Variants in SLIT3 observed in about 807,000 individuals in gnomAD.
SLIT3 encodes the protein slit guidance ligand 3.
In SLIT3, 68 loss-of-function variants were observed where a neutral mutation model predicts 184.0. The ratio of observed to expected loss-of-function variants is 0.37; its 90% CI spans 0.30 to 0.45. The LOEUF (loss-of-function observed/expected upper bound fraction) is 0.45. Among genes scored for constraint, SLIT3 ranks in the 20% least tolerant of loss-of-function variants. The probability of loss-of-function intolerance (pLI) is 1.00; values close to 1 mark genes in which losing one functional copy is unlikely to be tolerated. For synonymous variants in SLIT3, 831 were observed against 828.6 expected (o/e 1.00, Z -0.05); for missense variants, 1,707 against 2,026.0 (o/e 0.84, Z 3.02).
At chr5:169,115,428 G>A (rs1760624372) in intron 4 of SLIT3, among the ~76,000 whole-genome samples, 1 of 152,122 alleles carries the variant, frequency 6.6e-6, no homozygotes, top group Non-Finnish European at 1.5e-5. Context: ...CTAAATGTAG[G>A]CATTTTCCAG....
In SLIT3 at chr5:168,937,271, T is replaced by C. The variant is rs1042511807; in HGVS notation, c.414-53935A>G. ...ATAAGGCCATGTGGGAGGATTTTCA[T>C]TATCGTTTCTACCCTAAGAGAAGGT... On this transcript the variant is annotated intron_variant, in intron 4 of 35. Transcript: ENST00000519560. 3.9e-5 allele frequency among the ~76,000 whole-genome samples: 6 copies of C among 152,134 alleles called. No homozygotes were observed. The South Asian group carries it at 1.2e-3, about 32-fold the overall frequency.
intron 4 of SLIT3, among the ~76,000 whole-genome samples, chr5:168,961,616 C>T (rs529263380): frequency 3.9e-4 from 59 of 152,234 alleles, no homozygotes; most frequent in African/African-American, 1.4e-3. Context: ...CAAGGTGAAC[C>T]GGTACCAGGG....
intron 4 of SLIT3, among the ~76,000 whole-genome samples, chr5:169,021,565 G>T (rs1756598123): frequency 6.6e-6 from 1 of 152,084 alleles, no homozygotes; most frequent in African/African-American, 2.4e-5. Context: ...TGGCCAGGCT[G>T]GTCTCGAACT....
At chr5:169,081,384 AG>A (rs1198946008) in intron 4 of SLIT3, among the ~76,000 whole-genome samples, 3 of 152,174 alleles carry the variant, frequency 2.0e-5, no homozygotes, top group Non-Finnish European at 2.9e-5. Flanking sequence ...AGAGACCCAC[AG>A]GTTCATAATT....
Position 169,140,877 on chromosome 5 carries a change from G to A in SLIT3, c.413+52602C>T, listed in dbSNP as rs148283787. Among the ~76,000 whole-genome samples, 144 of 152,210 alleles carry A rather than the reference G, an allele frequency of 9.5e-4. 5 individuals carry two copies. Among genetic ancestry groups the A allele is most frequent in the African/African-American group, 3.4e-3 (140 of 41,530 alleles). ...TTCAAAACCTCAGTGGTTCCTCACT[G>A]CCTTCTAAATTAAATATAAAACTCT... is the stretch of plus-strand genomic sequence containing the variant. On this transcript the variant is annotated intron_variant, in intron 4 of 35. Coordinates refer to ENST00000519560, the MANE Select transcript of SLIT3 (RefSeq NM_003062.4).
At chr5:168,671,632 T>A in intron 33 of SLIT3, 149 bp from the exon 34 acceptor site, 1 of 818,538 alleles carries the variant, frequency 1.2e-6, no homozygotes, top group Non-Finnish European at 1.9e-6. Context: ...ACCTCGGACC[T>A]CCTCCATACA....
chr5:169,235,638 A>G (rs566972037), intron 3 of SLIT3, among the ~76,000 whole-genome samples: 1 of 152,252 alleles, frequency 6.6e-6, no homozygotes, highest in African/African-American at 2.4e-5. Context: ...ACATTTAGTC[A>G]TTATGTCTCC....
intron 5 of SLIT3, among the ~76,000 whole-genome samples, chr5:168,871,637 T>C (rs945578606): frequency 2.6e-5 from 4 of 152,174 alleles, no homozygotes; most frequent in African/African-American, 9.6e-5. Flanking sequence ...CAGGAAACTA[T>C]AAATATGACT....
chr5:168,890,054 G>A (rs866319313), intron 4 of SLIT3, among the ~76,000 whole-genome samples: 1 of 151,162 alleles, frequency 6.6e-6, no homozygotes, highest in African/African-American at 2.4e-5. Context: ...GCAGGAGAAT[G>A]GCTTGAACCC....
intron 12 of SLIT3, among the ~76,000 whole-genome samples, chr5:168,779,243 C>T (rs550820714): frequency 4.8e-4 from 73 of 152,284 alleles, no homozygotes; most frequent in African/African-American, 1.1e-3. Flanking sequence ...TGTTTCCAAT[C>T]GTCATGCTGC....
At chr5:168,765,303 G>A (rs1443137379) in intron 14 of SLIT3, among the ~76,000 whole-genome samples, 1 of 152,264 alleles carries the variant, frequency 6.6e-6, no homozygotes, top group East Asian at 1.9e-4. Context: ...CAATGGAGCC[G>A]CTGACCCATT....
At chr5:169,110,660 A>G (rs1004791682) in intron 4 of SLIT3, among the ~76,000 whole-genome samples, 1 of 152,206 alleles carries the variant, frequency 6.6e-6, no homozygotes, top group Non-Finnish European at 1.5e-5. Flanking sequence ...ATGAGGTAAC[A>G]TTCACAGATA....
At position 168,987,850 on chromosome 5, in the gene SLIT3, C is replaced by T. The variant is rs200347416; in HGVS notation, c.414-104514G>A. On this transcript the variant is annotated intron_variant, in intron 4 of 35. Coordinates refer to ENST00000519560, the MANE Select transcript of SLIT3 (RefSeq NM_003062.4). ...TGGAATATATAGATGACTTCTTTTTCGGTGTTAGGTAGGTGGGGGGACTGA... is the reference window on the plus strand; with the variant it reads ...TGGAATATATAGATGACTTCTTTTTTGGTGTTAGGTAGGTGGGGGGACTGA... Among the ~76,000 whole-genome samples, 9 of 152,328 alleles carry T rather than the reference C, an allele frequency of 5.9e-5. No homozygotes were observed. The East Asian group carries it at 1.7e-3, about 29-fold the overall frequency.
At chr5:169,015,471 G>C (rs1043153571) in intron 4 of SLIT3, among the ~76,000 whole-genome samples, 2 of 152,210 alleles carry the variant, frequency 1.3e-5, no homozygotes, top group African/African-American at 2.4e-5. Context: ...GGACAGGCTG[G>C]AGCAGTGTCC....
At chr5:169,005,105 A>AT (rs199503631) in intron 4 of SLIT3, among the ~76,000 whole-genome samples, 5,548 of 152,316 alleles carry the variant, frequency 0.036, 127 homozygotes, top group Middle Eastern at 0.065. Flanking sequence ...GCAATAAAGT[A>AT]TTTTTTATTA....
chr5:168,723,330 C>T (rs1271654032), intron 21 of SLIT3, among the ~76,000 whole-genome samples: 4 of 151,372 alleles, frequency 2.6e-5, no homozygotes, highest in African/African-American at 7.3e-5. Flanking sequence ...CCCACCCTCC[C>T]TTCCTCCCTC....
intron 9 of SLIT3, among the ~76,000 whole-genome samples, chr5:168,799,444 G>A (rs1292850370): frequency 3.3e-5 from 5 of 152,160 alleles, no homozygotes; most frequent in South Asian, 2.1e-4. Flanking sequence ...GTGTCTTCCC[G>A]CACCAGCAAA....
chr5:169,036,554 A>C (rs760035402), intron 4 of SLIT3: 2 of 152,184 alleles, frequency 1.3e-5, no homozygotes, highest in African/African-American at 4.8e-5. Flanking sequence ...CACAGCATTT[A>C]ATTTCCGAAT....
At chr5:168,848,945 C>G (rs1758579040) in intron 5 of SLIT3, among the ~76,000 whole-genome samples, 1 of 151,990 alleles carries the variant, frequency 6.6e-6, no homozygotes, top group Admixed American at 6.6e-5. Context: ...ATTAAAGCAG[C>G]CTATCTAAAT....
Sources: allele counts gnomAD v4.1 joint callset (sites outside exome capture counted in the v4.1 genomes callset), GRCh38; gene constraint gnomAD v4.1.1; transcripts MANE v1.5; gene names NCBI Gene and HGNC (gene_info 2026-07-23, HGNC 2026-07-21).